Variants in AKAP10 observed in about 807,000 individuals in gnomAD.
AKAP10 encodes the protein A-kinase anchoring protein 10, also known as A-kinase anchor protein 10, mitochondrial.
AKAP10 carries 24 observed loss-of-function variants against 80.8 expected under a neutral mutation model. The observed-to-expected ratio is 0.30, with a 90% confidence interval of 0.22 to 0.42. The LOEUF is 0.42. Among genes scored for constraint, AKAP10 ranks in the 10% least tolerant of loss-of-function variants. The pLI is 1.00. For synonymous variants in AKAP10, 291 were observed against 277.7 expected (o/e 1.05, Z -0.48); for missense variants, 661 against 794.9 (o/e 0.83, Z 2.03).
chr17:19,944,010 A>G (rs2043077717), intron 5 of AKAP10, among the ~76,000 whole-genome samples: 1 of 150,374 alleles, frequency 6.7e-6, no homozygotes, highest in African/African-American at 2.5e-5. Context: ...TCTACAGTAC[A>G]TCTCCTTTCT....
intron 11 of AKAP10, among the ~76,000 whole-genome samples, chr17:19,923,716 CG>C (rs1228035871): frequency 6.6e-6 from 1 of 151,956 alleles, no homozygotes; most frequent in African/African-American, 2.4e-5. Flanking sequence ...TTAGTAGAGA[CG>C]GGGTTTCATC....
intron 4 of AKAP10, among the ~76,000 whole-genome samples, chr17:19,952,202 G>A (rs1384446978): frequency 6.6e-6 from 1 of 151,876 alleles, no homozygotes; most frequent in Non-Finnish European, 1.5e-5. Flanking sequence ...AGTGGCTCAC[G>A]CCTGTAATCC....
At chr17:19,935,486 C>G (rs924128330) in intron 9 of AKAP10, among the ~76,000 whole-genome samples, 1 of 152,110 alleles carries the variant, frequency 6.6e-6, no homozygotes, top group East Asian at 1.9e-4. Flanking sequence ...CTTACTGTAA[C>G]TTTTTAACTG....
At chr17:19,911,844 A>C (rs1197776898) in intron 12 of AKAP10, among the ~76,000 whole-genome samples, 6 of 82,988 alleles carry the variant, frequency 7.2e-5, no homozygotes, top group Admixed American at 3.5e-4. Flanking sequence ...ACAAAAAAAA[A>C]AAAAAAAAAA....
chr17:19,924,469 C>T lies in AKAP10; in HGVS notation c.1690G>A (p.Ala564Thr). 1 of 1,607,134 alleles carries T rather than the reference C, an allele frequency of 6.2e-7. No individual in the cohort carries two copies. Among genetic ancestry groups the T allele is most frequent in the Non-Finnish European group, 8.5e-7 (1 of 1,176,208 alleles). The change falls in exon 11 of 15, where the codon GCG becomes ACG. Residue 564 changes from alanine to threonine, a missense_variant. By Grantham distance (58) the Ala-to-Thr change is moderately conservative. Transcript: ENST00000225737. ...AGACTTGCCGCATCCACAATTATCG[C>T]TTCATCAAAATTTTTCAGTATTTTA... is the stretch of plus-strand genomic sequence containing the variant. ...SIKILKNFDE[A>T]IIVDAASLDP...
intron 6 of AKAP10, 103 bp from the exon 7 acceptor site, chr17:19,941,113 C>G: frequency 8.0e-7 from 1 of 1,248,478 alleles, no homozygotes. Flanking sequence ...TCTTAAAGGC[C>G]TAGGTCAACA....
intron 5 of AKAP10, among the ~76,000 whole-genome samples, chr17:19,946,237 T>TTATATATATATA (rs1171891537): frequency 7.3e-4 from 11 of 15,166 alleles, no homozygotes; most frequent in Admixed American, 1.5e-3. Context: ...TATATATATA[T>TTATATATATATA]TATATATATA....
chr17:19,958,284 G>C lies in AKAP10; in HGVS notation c.607C>G (p.Leu203Val), dbSNP rs1278059208. Residue 203 changes from leucine (L) to valine (V), a missense_variant, in exon 4 of 15, where the codon CTT becomes GTT. Transcript: ENST00000225737. ...ETTASFLTDS[L>V]DKRLEDSGSA... ...CCAGAATCCTCCAATCTCTTATCAA[G>C]AGAATCAGTTAAAAAAGACGCTGTA... 1.2e-6 allele frequency: 2 copies of C among 1,614,060 alleles called. No homozygotes were observed. Among genetic ancestry groups the C allele is most frequent in the African/African-American group, 1.3e-5 (1 of 74,930 alleles).
At chr17:19,928,039 G>A (rs1438548451) in intron 10 of AKAP10, among the ~76,000 whole-genome samples, 1 of 152,050 alleles carries the variant, frequency 6.6e-6, no homozygotes, top group Non-Finnish European at 1.5e-5. Context: ...GGCTAACATG[G>A]TGAAACCCTG....
intron 14 of AKAP10, among the ~76,000 whole-genome samples, chr17:19,907,694 T>G (rs1037889180): frequency 3.9e-5 from 6 of 151,962 alleles, no homozygotes; most frequent in Non-Finnish European, 8.8e-5. Flanking sequence ...CATGAGCCAC[T>G]GCACCTGGCC....
chr17:19,958,560 G>C lies in AKAP10; in HGVS notation c.331C>G (p.Leu111Val), dbSNP rs766465556. 1 of 1,596,262 alleles carries C rather than the reference G, an allele frequency of 6.3e-7. No individual in the cohort carries two copies. The highest frequency in any genetic ancestry group is 8.5e-7 in the Non-Finnish European group (1 of 1,176,068). Residue 111 changes from leucine (L) to valine (V), a missense_variant, in exon 4 of 15, where the codon CTG becomes GTG. Leu to Val is a conservative substitution (Grantham distance 32). Coordinates refer to ENST00000225737, the MANE Select transcript of AKAP10 (RefSeq NM_007202.4). ...TTGGTCTCTTGAGTCTGGTAGTCCA[G>C]ACAAGATCTGCCTAAAAGATAGAAG... ...AHFGDLGRSC[L>V]DYQTQETKSS...
intron 14 of AKAP10, among the ~76,000 whole-genome samples, chr17:19,908,617 C>A (rs2042656970): frequency 6.6e-6 from 1 of 152,096 alleles, no homozygotes; most frequent in South Asian, 2.1e-4. Flanking sequence ...TATCCTACAA[C>A]TTCTACTCAA....
rs35907139 is a variant in AKAP10, at chr17:19,907,014, G to GTT, written c.1984-784_1984-783dup. ...ACTCAGCTAGTTCTTCGAGTCTACT[G>GTT]TTTTTTTTTGTTTTTTTTTTGAGAC... On this transcript the variant is annotated intron_variant, in intron 14 of 14. Coordinates refer to ENST00000225737, the MANE Select transcript of AKAP10 (RefSeq NM_007202.4). Among the ~76,000 whole-genome samples, 554 of 149,294 alleles carry GTT rather than the reference G, an allele frequency of 3.7e-3. 3 individuals are homozygous for GTT. The highest frequency in any genetic ancestry group is 0.012 in the African/African-American group (482 of 40,366).
In AKAP10 at chr17:19,946,217, A is replaced by AC. The variant is rs1567765242; in HGVS notation, c.976+1189_976+1190insG. On this transcript the variant is annotated intron_variant, in intron 5 of 14. Coordinates refer to ENST00000225737, the MANE Select transcript of AKAP10 (RefSeq NM_007202.4). ...TAATACATATATTTTATATATATAT[A>AC]TATTTTATATATATATATATTATAT... 2.9e-4 allele frequency among the ~76,000 whole-genome samples: 13 copies of AC among 45,076 alleles called. 1 individual carries two copies. The highest frequency in any genetic ancestry group is 8.4e-4 in the African/African-American group (11 of 13,112). 29.6% of individuals were successfully genotyped at this position (45,076 alleles called of 152,430 possible). A position where few individuals can be genotyped will look rare whatever the true frequency, so the allele number is the denominator to read the frequency against.
chr17:19,946,237 TTA>T (rs1171891537), intron 5 of AKAP10, among the ~76,000 whole-genome samples: 176 of 15,164 alleles, frequency 0.012, no homozygotes, highest in African/African-American at 0.016. Flanking sequence ...TATATATATA[TTA>T]TATATATATA....
chr17:19,976,004 G>C (rs1272968564), intron 1 of AKAP10, among the ~76,000 whole-genome samples: 2 of 152,138 alleles, frequency 1.3e-5, no homozygotes. Context: ...CCTGGCATCA[G>C]TTACCAAAAC....
intron 4 of AKAP10, among the ~76,000 whole-genome samples, chr17:19,950,414 A>G (rs1269397066): frequency 5.3e-5 from 8 of 152,118 alleles, no homozygotes; most frequent in Non-Finnish European, 1.0e-4. Flanking sequence ...TCCCTGCCTG[A>G]TTCTCCTGCC....
At position 19,964,568 on chromosome 17, in the gene AKAP10, C is replaced by G. The variant is rs1304492827; in HGVS notation, c.137-1546G>C. 2.0e-5 allele frequency among the ~76,000 whole-genome samples: 3 copies of G among 151,920 alleles called. No individual in the cohort carries two copies. The East Asian group carries it at 5.9e-4, about 30-fold the overall frequency. ...CAATAATTTTCAAACTTTTTAAAAG[C>G]TGAAACCTCCTTTGCTTCCCACCAA... is the stretch of plus-strand genomic sequence containing the variant. On this transcript the variant is annotated intron_variant, in intron 2 of 14. Transcript: ENST00000225737.
chr17:19,955,400 C>A (rs755522443), intron 4 of AKAP10, among the ~76,000 whole-genome samples: 2 of 151,856 alleles, frequency 1.3e-5, no homozygotes, highest in Admixed American at 6.6e-5. Flanking sequence ...AAAACTGATA[C>A]AAGTATACAT....
Sources: allele counts gnomAD v4.1 joint callset (sites outside exome capture counted in the v4.1 genomes callset), GRCh38; gene constraint gnomAD v4.1.1; transcripts MANE v1.5; gene names NCBI Gene and HGNC (gene_info 2026-07-23, HGNC 2026-07-21).